The following ANKRD55 variants were observed in gnomAD, a reference collection of about 807,000 sequenced individuals.
ANKRD55 encodes the protein ankyrin repeat domain-containing protein 55.
ANKRD55 carries 41 observed loss-of-function variants against 60.6 expected under a neutral mutation model. That is an observed-to-expected ratio of 0.68 (90% CI 0.53 to 0.88). ANKRD55 has a LOEUF of 0.88. Among genes scored for constraint, ANKRD55 ranks in the 40% least tolerant of loss-of-function variants. ANKRD55 has a pLI of 0.00. For missense variants in ANKRD55, 732 were observed against 767.6 expected, an observed-to-expected ratio of 0.95 and a Z score of 0.55; for synonymous variants, 264 against 290.3, an observed-to-expected ratio of 0.91 and a Z score of 0.92.
rs548908987 is a variant in ANKRD55 at position 56,120,342 on chromosome 5, C to T, written c.798-3560G>A. On this transcript the variant is annotated intron_variant, in intron 8 of 11. Transcript: ENST00000341048. ...GCACCAAGCCCTCTTAACACCATTT[C>T]TTCATGTGGTGGGATTATATTTTAA... Among the ~76,000 whole-genome samples the T allele has an allele frequency of 5.3e-5, 8 of 152,236 alleles. 1 individual carries two copies. In the South Asian group the frequency reaches 1.7e-3, roughly 32 times the overall value.
chr5:56,140,754 G>C (rs1053263614), intron 7 of ANKRD55, among the ~76,000 whole-genome samples: 2 of 152,156 alleles, frequency 1.3e-5, no homozygotes, highest in African/African-American at 4.8e-5. Context: ...TCTATGGAAA[G>C]GAGGGAGCTT....
chr5:56,193,173 G>A (rs1759142748), intron 2 of ANKRD55: 2 of 706,470 alleles, frequency 2.8e-6, no homozygotes, highest in Non-Finnish European at 4.7e-6. Flanking sequence ...TGTATGAGTG[G>A]AGGAGCAGGA....
At chr5:56,199,159 A>T (rs160010) in intron 2 of ANKRD55, among the ~76,000 whole-genome samples, 26,048 of 152,102 alleles carry the variant, frequency 0.17, 2,720 homozygotes, top group East Asian at 0.38. Context: ...AAACTTTAAC[A>T]AAGGGTGGAA....
chr5:56,113,301 A>G (rs1037626290), intron 9 of ANKRD55, among the ~76,000 whole-genome samples: 2 of 152,282 alleles, frequency 1.3e-5, no homozygotes, highest in African/African-American at 4.8e-5. Flanking sequence ...GGTGGGTAAA[A>G]TGGTGGCTGC....
chr5:56,102,966 A>C (rs1263989782), intron 10 of ANKRD55, among the ~76,000 whole-genome samples: 5 of 152,172 alleles, frequency 3.3e-5, no homozygotes, highest in Admixed American at 2.0e-4. Context: ...TTTTCTTCTA[A>C]AGCAGAGTTT....
At chr5:56,221,191 T>A (rs1759956011) in intron 2 of ANKRD55, among the ~76,000 whole-genome samples, 1 of 152,190 alleles carries the variant, frequency 6.6e-6, no homozygotes, top group African/African-American at 2.4e-5. Flanking sequence ...CAAAACTCCT[T>A]TCAGAGGACT....
At chr5:56,142,945 C>T (rs1050672459) in intron 7 of ANKRD55, among the ~76,000 whole-genome samples, 1 of 152,146 alleles carries the variant, frequency 6.6e-6, no homozygotes, top group Non-Finnish European at 1.5e-5. Flanking sequence ...TTCTGTTTTC[C>T]CCTTACATCA....
At chr5:56,160,894 G>C (rs983982314) in intron 5 of ANKRD55, 1 of 152,218 alleles carries the variant, frequency 6.6e-6, no homozygotes, top group Non-Finnish European at 1.5e-5. Context: ...CAGATGGCTT[G>C]GGTTTACATC....
chr5:56,163,598 G>A (rs1248669652), intron 5 of ANKRD55, among the ~76,000 whole-genome samples: 1 of 152,180 alleles, frequency 6.6e-6, no homozygotes, highest in Non-Finnish European at 1.5e-5. Context: ...AGTCATAAGA[G>A]CACTGATGCT....
At chr5:56,206,396 A>T (rs191355539) in intron 2 of ANKRD55, among the ~76,000 whole-genome samples, 182 of 152,344 alleles carry the variant, frequency 1.2e-3, no homozygotes, top group African/African-American at 4.3e-3. Flanking sequence ...GAATGACTGG[A>T]TTACAAAAAT....
At chr5:56,137,443 A>C in intron 7 of ANKRD55, 1 of 836,352 alleles carries the variant, frequency 1.2e-6, no homozygotes. Flanking sequence ...AAGGAACAAA[A>C]TGTTCCTAAA....
At chr5:56,103,890 A>G (rs929467744) in intron 10 of ANKRD55, among the ~76,000 whole-genome samples, 5 of 152,238 alleles carry the variant, frequency 3.3e-5, no homozygotes, top group African/African-American at 1.2e-4. Context: ...TGTTTAAGTG[A>G]ATCTCATGGT....
intron 5 of ANKRD55, among the ~76,000 whole-genome samples, chr5:56,164,170 T>A (rs1403078644): frequency 6.6e-6 from 1 of 152,122 alleles, no homozygotes; most frequent in Non-Finnish European, 1.5e-5. Flanking sequence ...ATTTTCTGGG[T>A]CTCCACTGAT....
At chr5:56,146,354 G>T (rs986501389) in intron 6 of ANKRD55, among the ~76,000 whole-genome samples, 2 of 150,734 alleles carry the variant, frequency 1.3e-5, no homozygotes, top group African/African-American at 2.5e-5. Flanking sequence ...GCGCAATTTC[G>T]GCTCACTGCA....
At chr5:56,176,463 G>A (rs1208344585) in intron 3 of ANKRD55, among the ~76,000 whole-genome samples, 181 bp from the exon 4 acceptor site, 1 of 152,042 alleles carries the variant, frequency 6.6e-6, no homozygotes, top group Non-Finnish European at 1.5e-5. Flanking sequence ...TTTTTTTACT[G>A]GCTCTTTTCA....
intron 6 of ANKRD55, 47 bp downstream of exon 6, chr5:56,159,786 A>G (rs1486760493): frequency 6.3e-7 from 1 of 1,589,680 alleles, no homozygotes; most frequent in Non-Finnish European, 8.6e-7. Context: ...CCTTCCTTTC[A>G]CCCTCACATG....
At chr5:56,102,641 C>T in intron 10 of ANKRD55, 55 bp from the exon 11 acceptor site, 3 of 1,259,024 alleles carry the variant, frequency 2.4e-6, no homozygotes, top group Non-Finnish European at 3.5e-6. Flanking sequence ...GTGCAAATTA[C>T]AGAATGCAAT....
At chr5:56,232,745 AACAC>A (rs142447793) in intron 2 of ANKRD55, 107 bp downstream of exon 2, 780 of 866,242 alleles carry the variant, frequency 9.0e-4, no homozygotes, top group South Asian at 1.4e-3. Context: ...CACGCACATG[AACAC>A]ACACACACAC....
At chr5:56,183,780 C>G (rs1758905484) in intron 2 of ANKRD55, 146 bp from the exon 3 acceptor site, 1 of 979,188 alleles carries the variant, frequency 1.0e-6, no homozygotes, top group Non-Finnish European at 1.5e-6. Context: ...TGGCTACACA[C>G]TCCCTCACCA....
Sources: allele counts gnomAD v4.1 joint callset (sites outside exome capture counted in the v4.1 genomes callset), GRCh38; gene constraint gnomAD v4.1.1; transcripts MANE v1.5; gene names NCBI Gene and HGNC (gene_info 2026-07-23, HGNC 2026-07-21).